The following AGAP1 variants were observed in gnomAD, a reference collection of about 807,000 sequenced individuals.
AGAP1 encodes ArfGAP with GTPase domain, ankyrin repeat and PH domain 1.
Under a neutral mutation model 105.3 loss-of-function variants are expected in AGAP1, and 29 were observed. The observed-to-expected ratio is 0.28, with a 90% CI of 0.21 to 0.38. The LOEUF is 0.38. AGAP1 is among the 10% of genes least tolerant of loss of function. The pLI is 1.00. For missense variants in AGAP1, 998 were observed against 1,165.1 expected (o/e 0.86, Z 2.09); for synonymous variants, 509 against 485.9 (o/e 1.05, Z -0.63).
chr2:235,603,736 G>C (rs1945817821), intron 1 of AGAP1, among the ~76,000 whole-genome samples: 1 of 152,158 alleles, frequency 6.6e-6, no homozygotes, highest in Non-Finnish European at 1.5e-5. Context: ...GACAGTGAGT[G>C]TCTCTCCATG....
chr2:236,039,726 A>G (rs1576140754), intron 14 of AGAP1, among the ~76,000 whole-genome samples: 1 of 145,986 alleles, frequency 6.8e-6, no homozygotes, highest in Non-Finnish European at 1.5e-5. Context: ...GTTAGGCTGG[A>G]AAGGGCAGGT....
intron 1 of AGAP1, among the ~76,000 whole-genome samples, chr2:235,499,932 C>T (rs1304791267): frequency 6.6e-6 from 1 of 152,066 alleles, no homozygotes; most frequent in Non-Finnish European, 1.5e-5. Context: ...TTCCAAAGCT[C>T]CTTCTTGGTA....
intron 1 of AGAP1, among the ~76,000 whole-genome samples, chr2:235,657,309 T>C (rs1438770416): frequency 6.6e-6 from 1 of 152,200 alleles, no homozygotes; most frequent in African/African-American, 2.4e-5. Flanking sequence ...GAAAAAGGCC[T>C]TCTGTGAATC....
Position 236,126,160 on chromosome 2 carries a change from A to G in AGAP1, c.*2038A>G, listed in dbSNP as rs765506159. The G allele has an allele frequency of 1.3e-5, 2 of 152,250 alleles. No individual in the cohort carries two copies. Among genetic ancestry groups the G allele is most frequent in the Admixed American group, 6.5e-5 (1 of 15,290 alleles). 9.4% of individuals were successfully genotyped at this position (152,250 alleles called of 1,614,324 possible). On this transcript the variant is annotated 3_prime_UTR_variant, in exon 18 of 18. Transcript: ENST00000304032. ...GTGGAGCTCACTCGTATCCAAAAGTATAACAGGTGCAGAAGCCACAAGTCT... is the reference window on the plus strand; with the variant it reads ...GTGGAGCTCACTCGTATCCAAAAGTGTAACAGGTGCAGAAGCCACAAGTCT...
Position 236,009,611 on chromosome 2 carries a change from T to C in AGAP1, c.1646-26950T>C, listed in dbSNP as rs2056441246. Among the ~76,000 whole-genome samples the C allele has an allele frequency of 6.6e-6, 1 of 152,234 alleles. No individual in the cohort carries two copies. The highest frequency in any genetic ancestry group is 1.5e-5 in the Non-Finnish European group (1 of 68,032). On this transcript the variant is annotated intron_variant, in intron 13 of 17. Coordinates refer to ENST00000304032, the MANE Select transcript of AGAP1 (RefSeq NM_001037131.3). The surrounding 1 kb of genome is among the most constrained non-coding windows in gnomAD (Gnocchi z 4.2). ...GCTCCCTTCTATGAATAGAGAGGGCTATTTGTTTCATTCAAAGACAAGACA... is the reference window on the plus strand; with the variant it reads ...GCTCCCTTCTATGAATAGAGAGGGCCATTTGTTTCATTCAAAGACAAGACA...
chr2:235,764,017 C>A (rs562306392), intron 6 of AGAP1, among the ~76,000 whole-genome samples: 1 of 151,904 alleles, frequency 6.6e-6, no homozygotes. Flanking sequence ...GTGGCTGTGA[C>A]CCGTGCGTGG....
chr2:235,588,119 A>G (rs538763836), intron 1 of AGAP1, among the ~76,000 whole-genome samples: 6 of 151,806 alleles, frequency 4.0e-5, no homozygotes, highest in Admixed American at 2.6e-4. Context: ...AGTCCCAGCT[A>G]CTCGGGAGAC....
chr2:235,814,073 C>T (rs933723975), intron 9 of AGAP1, among the ~76,000 whole-genome samples: 2 of 152,180 alleles, frequency 1.3e-5, no homozygotes, highest in African/African-American at 4.8e-5. Context: ...TGTGTGTGCC[C>T]ACTAGGGTCT....
intron 1 of AGAP1, among the ~76,000 whole-genome samples, chr2:235,618,074 TG>T: frequency 6.6e-6 from 1 of 152,216 alleles, no homozygotes; most frequent in East Asian, 1.9e-4. Context: ...GATCTGCGTC[TG>T]TATGTGATCG....
In AGAP1 at chr2:235,736,594, G is replaced by A. The variant is rs1952268583; in HGVS notation, c.311-4369G>A. ...TGATGGTATCCTCTAAAATTCTGGT[G>A]GAAAAAAGATCTCCCTTTGGGAGGC... On this transcript the variant is annotated intron_variant, in intron 3 of 17. Transcript: ENST00000304032. This position sits in a 1 kb window ranked among gnomAD's most constrained non-coding sequence, Gnocchi z 5.5. Among the ~76,000 whole-genome samples the A allele has an allele frequency of 6.6e-6, 1 of 152,090 alleles. No homozygotes were observed. Among genetic ancestry groups the A allele is most frequent in the Non-Finnish European group, 1.5e-5 (1 of 68,008 alleles).
rs1015061249 is a variant in AGAP1, at chr2:235,958,610, C to T, written c.1484-9852C>T. Among the ~76,000 whole-genome samples, 5 of 152,084 alleles carry T rather than the reference C, an allele frequency of 3.3e-5. No homozygotes were observed. The highest frequency in any genetic ancestry group is 1.5e-5 in the Non-Finnish European group (1 of 68,024). ...GCTAATGATCGGCTGGGCAGATAAT[C>T]GGAGGAGAGTTAATTGTAAGGTTCG... On this transcript the variant is annotated intron_variant, in intron 12 of 17. Coordinates refer to ENST00000304032, the MANE Select transcript of AGAP1 (RefSeq NM_001037131.3). This position sits in a 1 kb window ranked among gnomAD's most constrained non-coding sequence, Gnocchi z 4.1.
chr2:235,808,280 C>T (rs1486214086), intron 9 of AGAP1, among the ~76,000 whole-genome samples: 1 of 152,220 alleles, frequency 6.6e-6, no homozygotes, highest in Non-Finnish European at 1.5e-5. Flanking sequence ...CGGTCCAGCT[C>T]ACTGCTTTGC....
At chr2:236,098,956 G>A (rs2059266194) in intron 16 of AGAP1, among the ~76,000 whole-genome samples, 1 of 151,826 alleles carries the variant, frequency 6.6e-6, no homozygotes, top group Admixed American at 6.6e-5. Flanking sequence ...ACATCCTAGT[G>A]CGTAAGGACT....
chr2:235,913,254 A>G (rs2051706637), intron 11 of AGAP1, among the ~76,000 whole-genome samples: 1 of 152,024 alleles, frequency 6.6e-6, no homozygotes. Context: ...TAAAAAATAT[A>G]TGTATGTGTT....
intron 1 of AGAP1, among the ~76,000 whole-genome samples, chr2:235,573,818 T>G (rs566084751): frequency 6.6e-6 from 1 of 152,336 alleles, no homozygotes; most frequent in East Asian, 1.9e-4. Flanking sequence ...ACATGGAATG[T>G]GCATTCCTAA....
In AGAP1 at chr2:235,752,081, T is replaced by C. The variant is rs1232192923; in HGVS notation, c.673+1593T>C. Among the ~76,000 whole-genome samples, 1 of 152,230 alleles carries C rather than the reference T, an allele frequency of 6.6e-6. No individual in the cohort carries two copies. The highest frequency in any genetic ancestry group is 1.9e-4 in the East Asian group (1 of 5,204). ...ATGGAGCAAGGTCACTGTCGGCCGCTGCGCTGCCGAGGCCCCTGTGAATGT... is the reference window on the plus strand; with the variant it reads ...ATGGAGCAAGGTCACTGTCGGCCGCCGCGCTGCCGAGGCCCCTGTGAATGT... On this transcript the variant is annotated intron_variant, in intron 6 of 17. Coordinates refer to ENST00000304032, the MANE Select transcript of AGAP1 (RefSeq NM_001037131.3). The surrounding 1 kb of genome is among the most constrained non-coding windows in gnomAD (Gnocchi z 4.3).
chr2:235,831,879 A>G lies in AGAP1; in HGVS notation c.1050+24548A>G, dbSNP rs566949912. On this transcript the variant is annotated intron_variant, in intron 9 of 17. Coordinates refer to ENST00000304032, the MANE Select transcript of AGAP1 (RefSeq NM_001037131.3). ...TAAGAATGTTTTCAGTTTTGCAGGA[A>G]ACTGCCAAACAGTCTTCCAGAGTAG... Among the ~76,000 whole-genome samples the G allele has an allele frequency of 3.3e-5, 5 of 152,328 alleles. No homozygotes were observed. In the South Asian group the frequency reaches 1.0e-3, roughly 32 times the overall value.
chr2:235,836,611 G>A (rs746027386), intron 9 of AGAP1, among the ~76,000 whole-genome samples: 2 of 152,202 alleles, frequency 1.3e-5, no homozygotes, highest in Non-Finnish European at 2.9e-5. Context: ...TTCTCCTCTT[G>A]GGTTCTCAGA....
In AGAP1 at chr2:236,096,555, A is replaced by C. The variant is rs2059197285; in HGVS notation, c.2115-23637A>C. On this transcript the variant is annotated intron_variant, in intron 16 of 17. Coordinates refer to ENST00000304032, the MANE Select transcript of AGAP1 (RefSeq NM_001037131.3). This position sits in a 1 kb window ranked among gnomAD's most constrained non-coding sequence, Gnocchi z 4.4. ...AGTTAGATGGAATGCCAGTGCAGAC[A>C]AATGATGCAGTTTTATTTTTTATTT... Among the ~76,000 whole-genome samples, 2 of 151,640 alleles carry C rather than the reference A, an allele frequency of 1.3e-5. No individual in the cohort carries two copies. The highest frequency in any genetic ancestry group is 1.3e-4 in the Admixed American group (2 of 15,210).
Sources: allele counts gnomAD v4.1 joint callset (sites outside exome capture counted in the v4.1 genomes callset), GRCh38; gene constraint gnomAD v4.1.1; non-coding constraint Gnocchi (gnomAD v3.1); transcripts MANE v1.5; gene names NCBI Gene and HGNC (gene_info 2026-07-23, HGNC 2026-07-21).